Variants in CDK10 observed in about 807,000 individuals in gnomAD.
CDK10 encodes the protein cyclin-dependent kinase 10.
In CDK10, 55 loss-of-function variants were observed where a neutral mutation model predicts 51.0. That is an observed-to-expected ratio of 1.08 (90% CI 0.87 to 1.35). The LOEUF (loss-of-function observed/expected upper bound fraction) is 1.35, where lower values mean the gene tolerates loss of function less well. CDK10 is among the 40% of genes most tolerant of loss of function. The probability of loss-of-function intolerance (pLI) is 0.00; values close to 1 mark genes in which losing one functional copy is unlikely to be tolerated. For missense variants in CDK10, 589 were observed against 485.1 expected, an observed-to-expected ratio of 1.21 and a Z score of -2.01; for synonymous variants, 255 against 199.1, an observed-to-expected ratio of 1.28 and a Z score of -2.36.
In CDK10 at chr16:89,694,942, G is replaced by A. The variant is rs763104925; in HGVS notation, c.804G>A (p.Lys268=). ...PSENIWPGFS[K]LPLVGQYSLR... is the part of the protein sequence containing the mutation. ...CCTGCCTCCCATAGGGCTTTTCCAAGCTGCCACTGGTCGGCCAGTACAGCC... is the reference window on the plus strand; with the variant it reads ...CCTGCCTCCCATAGGGCTTTTCCAAACTGCCACTGGTCGGCCAGTACAGCC... The change falls in exon 11 of 13, where the codon AAG becomes AAA. Residue 268 remains lysine (K), a synonymous_variant. Transcript: ENST00000353379. 4 of 1,613,012 alleles carry A rather than the reference G, an allele frequency of 2.5e-6. No homozygotes were observed. The Admixed American group carries it at 5.0e-5, about 20-fold the overall frequency.
At chr16:89,693,131 C>T (rs1267050158) in intron 6 of CDK10, 143 bp from the exon 7 acceptor site, 9 of 662,148 alleles carry the variant, frequency 1.4e-5, no homozygotes, top group Admixed American at 2.9e-5. Flanking sequence ...GAGTGAGACT[C>T]TGTCTCAAAA....
In CDK10 at chr16:89,695,836, C is replaced by T. The variant is rs2060700319; in HGVS notation, c.*144C>T. ...GGAACATCCTCCACTGACTTCCTCC[C>T]ACTGTCTGCCCTGAACCCACTGCTG... On this transcript the variant is annotated 3_prime_UTR_variant, in exon 13 of 13. Transcript: ENST00000353379. 2.8e-5 allele frequency: 43 copies of T among 1,525,028 alleles called. No homozygotes were observed. The highest frequency in any genetic ancestry group is 3.4e-5 in the Non-Finnish European group (39 of 1,133,694). The allele number at this position is 1,525,028 out of a possible 1,614,324, so 94.5% of individuals were successfully genotyped here. A position where few individuals can be genotyped will look rare whatever the true frequency, so the allele number is the denominator to read the frequency against.
chr16:89,691,783 C>T (rs750952653), intron 4 of CDK10, 23 bp from the exon 5 acceptor site: 14 of 1,607,112 alleles, frequency 8.7e-6, no homozygotes, highest in Middle Eastern at 1.6e-4. Context: ...CGGAGAGTGG[C>T]ATGCATCTTC....
At chr16:89,694,266 A>G (rs770340711) in intron 9 of CDK10, 34 bp downstream of exon 9, 6 of 1,607,978 alleles carry the variant, frequency 3.7e-6, no homozygotes, top group African/African-American at 1.3e-5. Context: ...CTGGGGCCTC[A>G]GGAAGGGCTG....
At chr16:89,692,933 C>T (rs910909643) in intron 6 of CDK10, among the ~76,000 whole-genome samples, 4 of 151,666 alleles carry the variant, frequency 2.6e-5, no homozygotes, top group Admixed American at 2.0e-4. Flanking sequence ...GTCAGGAGAT[C>T]GAGACCATCC....
rs1345399719 is a variant in CDK10 at position 89,686,784 on chromosome 16, C to T, written c.74C>T (p.Pro25Leu). 7 of 1,611,790 alleles carry T rather than the reference C, an allele frequency of 4.3e-6. No homozygotes were observed. Among genetic ancestry groups the T allele is most frequent in the Non-Finnish European group, 5.9e-6 (7 of 1,178,942 alleles). ...CIRKEGFFTV[P>L]PEHRLGRCRS... The stretch of plus-strand genomic sequence containing the variant: ...CGTAAGGAGGGCTTCTTCACGGTGC[C>T]TCCGGAACACAGGGTGCGCGGGGTG... Residue 25 changes from proline to leucine, a missense_variant, in exon 1 of 13, where the codon CCT (proline) becomes CTT (leucine). Coordinates refer to ENST00000353379, the MANE Select transcript of CDK10 (RefSeq NM_052988.5).
chr16:89,691,964 C>A, intron 5 of CDK10, 77 bp downstream of exon 5: 2 of 1,215,110 alleles, frequency 1.6e-6, no homozygotes, highest in South Asian at 1.3e-5. Context: ...CGAAACAGGG[C>A]ACTTGGGGAC....
rs1567514659 is a variant in CDK10, at chr16:89,690,601, T to A, written c.209T>A (p.Val70Glu). The A allele has an allele frequency of 1.9e-6, 3 of 1,613,112 alleles. No individual in the cohort carries two copies. Among genetic ancestry groups the A allele is most frequent in the Admixed American group, 1.7e-5 (1 of 59,930 alleles). ...QTDEIVALKK[V>E]RMDKEKDGIP... Reference sequence around the variant, plus strand: ...GATGAGATTGTCGCACTGAAGAAGGTGCGGATGGACAAGGAGAAGGATGGT... The same window carrying A: ...GATGAGATTGTCGCACTGAAGAAGGAGCGGATGGACAAGGAGAAGGATGGT... Residue 70 changes from valine to glutamate, a missense_variant, in exon 3 of 13, where the codon GTG becomes GAG. Transcript: ENST00000353379.
rs1286487757 is a variant in CDK10, at chr16:89,689,290, G to A, written c.126G>A (p.Leu42=). 6.2e-7 allele frequency: 1 copy of A among 1,614,106 alleles called. No homozygotes were observed. Among genetic ancestry groups the A allele is most frequent in the Non-Finnish European group, 8.5e-7 (1 of 1,179,994 alleles). ...GGAGTGTGAAGGAGTTTGAGAAGCTGAACCGCATTGGAGAGGGTACCTACG... is the reference window on the plus strand; with the variant it reads ...GGAGTGTGAAGGAGTTTGAGAAGCTAAACCGCATTGGAGAGGGTACCTACG... ...RCRSVKEFEK[L]NRIGEGTYGI... Residue 42 remains leucine (L), a synonymous_variant, in exon 2 of 13, where the codon CTG becomes CTA. Coordinates refer to ENST00000353379, the MANE Select transcript of CDK10 (RefSeq NM_052988.5).
chr16:89,690,434 T>A, intron 2 of CDK10, 119 bp from the exon 3 acceptor site: 4 of 793,874 alleles, frequency 5.0e-6, no homozygotes, highest in East Asian at 2.5e-5. Flanking sequence ...TCACTGGGCA[T>A]GAGGTTGTCA....
At chr16:89,692,671 G>T (rs190416565) in intron 6 of CDK10, 155 bp downstream of exon 6, 2 of 501,368 alleles carry the variant, frequency 4.0e-6, no homozygotes, top group East Asian at 7.2e-5. Flanking sequence ...TAGAGAAGGG[G>T]TCTCTCTGTG....
At chr16:89,692,380 G>T (rs1430546356) in intron 5 of CDK10, 69 bp from the exon 6 acceptor site, 3 of 1,209,272 alleles carry the variant, frequency 2.5e-6, no homozygotes, top group Non-Finnish European at 2.3e-6. Context: ...GGCCAGTGTG[G>T]GTGTGGCAGG....
rs372178353 is a variant in CDK10 at position 89,695,782 on chromosome 16, G to T, written c.*90G>T. 17 of 1,577,204 alleles carry T rather than the reference G, an allele frequency of 1.1e-5. No homozygotes were observed. In the African/African-American group the frequency reaches 2.0e-4, roughly 19 times the overall value. ...GTGCCGCGAGCCAGGCTGACCAGGC[G>T]CCCGGGATCCAGCTCATCCCCTTGG... On this transcript the variant is annotated 3_prime_UTR_variant, in exon 13 of 13. Coordinates refer to ENST00000353379, the MANE Select transcript of CDK10 (RefSeq NM_052988.5).
chr16:89,694,997 C>T lies in CDK10; in HGVS notation c.859C>T (p.His287Tyr), dbSNP rs2060643598. 5 of 1,613,406 alleles carry T rather than the reference C, an allele frequency of 3.1e-6. No homozygotes were observed. The highest frequency in any genetic ancestry group is 4.2e-6 in the Non-Finnish European group (5 of 1,180,044). ...GAAGCAGCCCTACAACAACCTGAAG[C>T]ACAAGTTCCCATGGCTGTCGGAGGC... is the stretch of plus-strand genomic sequence containing the variant. ...LRKQPYNNLK[H>Y]KFPWLSEAGL... Residue 287 changes from histidine to tyrosine, a missense_variant, in exon 11 of 13, where the codon CAC (histidine) becomes TAC (tyrosine). His to Tyr is a moderately conservative substitution (Grantham distance 83, BLOSUM62 2). Transcript: ENST00000353379.
rs967091595 is a variant in CDK10, at chr16:89,691,462, G to A, written c.252G>A (p.Leu84=). 15 of 1,612,624 alleles carry A rather than the reference G, an allele frequency of 9.3e-6. No individual in the cohort carries two copies. The highest frequency in any genetic ancestry group is 1.1e-5 in the Non-Finnish European group (13 of 1,179,364). Reference sequence around the variant, plus strand: ...CCCCAGGCATCCCCATCAGCAGCTTGCGGGAGATCACGCTGCTGCTCCGCC... The same window carrying A: ...CCCCAGGCATCCCCATCAGCAGCTTACGGGAGATCACGCTGCTGCTCCGCC... The part of the protein sequence containing the change: ...KEKDGIPISS[L]REITLLLRLR... The change falls in exon 4 of 13, where the codon TTG becomes TTA. Residue 84 remains leucine, a synonymous_variant. Transcript: ENST00000353379.
intron 1 of CDK10, chr16:89,687,658 G>A (rs983575120): frequency 4.5e-6 from 2 of 442,008 alleles, no homozygotes; most frequent in African/African-American, 4.0e-5. Flanking sequence ...CAGCCTCCTG[G>A]GCTCAAGTGA....
intron 2 of CDK10, chr16:89,689,552 G>A (rs1271920822): frequency 5.4e-6 from 3 of 554,676 alleles, no homozygotes; most frequent in African/African-American, 3.8e-5. Flanking sequence ...TAATCCAAAC[G>A]TGTCACTGCA....
chr16:89,695,191 C>T, intron 11 of CDK10, 102 bp from the exon 12 acceptor site: 1 of 1,535,828 alleles, frequency 6.5e-7, no homozygotes, highest in Non-Finnish European at 8.8e-7. Flanking sequence ...TCGGAGTGGC[C>T]ACCTGGCTTC....
chr16:89,695,510 C>T, intron 12 of CDK10, 85 bp from the exon 13 acceptor site: 1 of 1,517,646 alleles, frequency 6.6e-7, no homozygotes, highest in South Asian at 1.2e-5. Flanking sequence ...GGGCCAGGTC[C>T]AGAGGCAGAG....
Sources: gnomAD v4.1 joint callset for allele counts (sites outside exome capture counted in the v4.1 genomes callset) on GRCh38, gnomAD v4.1.1 for gene constraint, MANE v1.5 for transcripts, NCBI Gene and HGNC (gene_info 2026-07-23, HGNC 2026-07-21) for gene names.